Variants in GALNT17 observed in about 807,000 individuals in gnomAD.
The protein encoded by GALNT17 is UDP-GalNAc:polypeptide N-acetylgalactosaminyltransferase-like 3.
Under a neutral mutation model 63.7 loss-of-function variants are expected in GALNT17, and 29 were observed. The ratio of observed to expected loss-of-function variants is 0.46; its 90% CI spans 0.34 to 0.62. The LOEUF is 0.62. Ranked by LOEUF, GALNT17 falls within the 20% of genes least tolerant of loss-of-function variation. The pLI is 0.01. For synonymous variants in GALNT17, 305 were observed against 318.3 expected (o/e 0.96, Z 0.45); for missense variants, 603 against 799.6 (o/e 0.75, Z 2.97).
chr7:71,524,797 A>G (rs1423548153), intron 5 of GALNT17, among the ~76,000 whole-genome samples: 1 of 152,020 alleles, frequency 6.6e-6, no homozygotes, highest in Non-Finnish European at 1.5e-5. Context: ...TTTCTGTGTC[A>G]TTTTGATTTG....
At chr7:71,169,543 A>G (rs1392917425) in intron 1 of GALNT17, among the ~76,000 whole-genome samples, 1 of 152,106 alleles carries the variant, frequency 6.6e-6, no homozygotes, top group East Asian at 1.9e-4. Context: ...ATGGGTTTTT[A>G]TATAGTTTGC....
intron 1 of GALNT17, among the ~76,000 whole-genome samples, chr7:71,185,271 T>C (rs1788827887): frequency 1.3e-5 from 2 of 150,690 alleles, no homozygotes; most frequent in East Asian, 2.0e-4. Context: ...AATGGTCTCA[T>C]CACGGCTCAC....
intron 1 of GALNT17, among the ~76,000 whole-genome samples, chr7:71,187,288 T>C (rs1472269274): frequency 1.4e-5 from 2 of 140,766 alleles, no homozygotes; most frequent in East Asian, 2.4e-4. Context: ...TTTTCTTTCT[T>C]TTTTTTTTTT....
At chr7:71,184,559 T>G (rs1796089) in intron 1 of GALNT17, among the ~76,000 whole-genome samples, 40,069 of 152,126 alleles carry the variant, frequency 0.26, 9,814 homozygotes, top group African/African-American at 0.66. Flanking sequence ...TAGGCTCTGT[T>G]GAGTTAGAAA....
At chr7:71,560,353 A>G (rs1273444151) in intron 5 of GALNT17, among the ~76,000 whole-genome samples, 6 of 152,054 alleles carry the variant, frequency 3.9e-5, no homozygotes, top group Admixed American at 3.9e-4. Context: ...ACCGTGGCTT[A>G]CCGTTATCCC....
At chr7:71,255,679 C>T (rs1790275951) in intron 1 of GALNT17, among the ~76,000 whole-genome samples, 1 of 152,106 alleles carries the variant, frequency 6.6e-6, no homozygotes, top group Admixed American at 6.5e-5. Flanking sequence ...GTGATGTGTT[C>T]ATAGGGAAAG....
intron 5 of GALNT17, among the ~76,000 whole-genome samples, chr7:71,518,961 C>T (rs1032714494): frequency 8.5e-5 from 13 of 152,162 alleles, no homozygotes; most frequent in African/African-American, 1.9e-4. Context: ...AGGAGAAAGA[C>T]GTCATTTCTT....
At chr7:71,639,358 T>C (rs796235952) in intron 6 of GALNT17, among the ~76,000 whole-genome samples, 10 of 152,340 alleles carry the variant, frequency 6.6e-5, no homozygotes, top group African/African-American at 2.4e-4. Context: ...TCTTGTTCGG[T>C]GTTCACACTT....
chr7:71,400,799 G>GT (rs1194635195), intron 3 of GALNT17, among the ~76,000 whole-genome samples: 1 of 152,180 alleles, frequency 6.6e-6, no homozygotes, highest in Non-Finnish European at 1.5e-5. Context: ...TGACTGATTG[G>GT]TTATAAAGAG....
rs575602128 is a variant in GALNT17 at position 71,181,496 on chromosome 7, G to C, written c.238+48456G>C. On this transcript the variant is annotated intron_variant, in intron 1 of 10. Coordinates refer to ENST00000333538, the MANE Select transcript of GALNT17 (RefSeq NM_022479.3). ...TGTAAATGTTAGCTGAAACAAATTA[G>C]CTGGTGATGAGAAGGATGAAGGGGT... Among the ~76,000 whole-genome samples the C allele has an allele frequency of 1.8e-4, 27 of 152,236 alleles. No homozygotes were observed. In the South Asian group the frequency reaches 5.2e-3, roughly 29 times the overall value.
chr7:71,576,820 G>A (rs745788411), intron 6 of GALNT17, among the ~76,000 whole-genome samples: 11 of 151,968 alleles, frequency 7.2e-5, no homozygotes, highest in South Asian at 2.1e-4. Flanking sequence ...TGCCCGCTTC[G>A]GTCTCCCAAA....
intron 1 of GALNT17, among the ~76,000 whole-genome samples, chr7:71,174,637 G>A (rs558768368): frequency 6.6e-6 from 1 of 152,242 alleles, no homozygotes; most frequent in Admixed American, 6.5e-5. Flanking sequence ...GGCAGGGGAT[G>A]GATCTCACAA....
At chr7:71,601,522 C>T (rs1789967038) in intron 6 of GALNT17, among the ~76,000 whole-genome samples, 1 of 152,052 alleles carries the variant, frequency 6.6e-6, no homozygotes, top group South Asian at 2.1e-4. Flanking sequence ...GGCCACCATA[C>T]CTGTAATCCA....
At chr7:71,204,356 G>C (rs1789231374) in intron 1 of GALNT17, among the ~76,000 whole-genome samples, 1 of 151,978 alleles carries the variant, frequency 6.6e-6, no homozygotes, top group Non-Finnish European at 1.5e-5. Flanking sequence ...TGTTTTGTTT[G>C]CACGAGATTG....
At chr7:71,293,986 C>T (rs759799699) in intron 1 of GALNT17, among the ~76,000 whole-genome samples, 4 of 151,982 alleles carry the variant, frequency 2.6e-5, no homozygotes, top group Non-Finnish European at 4.4e-5. Context: ...GGTAAAACCC[C>T]GTCTCTACTA....
At chr7:71,303,469 C>T (rs1384816820) in intron 1 of GALNT17, among the ~76,000 whole-genome samples, 2 of 151,934 alleles carry the variant, frequency 1.3e-5, no homozygotes, top group South Asian at 2.1e-4. Flanking sequence ...ATGAATGATC[C>T]CTAAGTTTGA....
At chr7:71,526,961 C>T (rs1459822788) in intron 5 of GALNT17, among the ~76,000 whole-genome samples, 1 of 152,214 alleles carries the variant, frequency 6.6e-6, no homozygotes, top group East Asian at 1.9e-4. Context: ...TCACAACTAT[C>T]ATTTCCTTTG....
intron 1 of GALNT17, chr7:71,284,467 A>T (rs1339018405): frequency 6.6e-6 from 1 of 152,196 alleles, no homozygotes; most frequent in Non-Finnish European, 1.5e-5. Flanking sequence ...AAGTGCTGGG[A>T]TTACAGGCGT....
At chr7:71,543,971 T>C (rs986439576) in intron 5 of GALNT17, among the ~76,000 whole-genome samples, 14 of 151,622 alleles carry the variant, frequency 9.2e-5, no homozygotes, top group Non-Finnish European at 1.6e-4. Context: ...TTTTGTATTT[T>C]TGGTAGAGAC....
Sources: gnomAD v4.1 joint callset for allele counts (sites outside exome capture counted in the v4.1 genomes callset) on GRCh38, gnomAD v4.1.1 for gene constraint, MANE v1.5 for transcripts, NCBI Gene and HGNC (gene_info 2026-07-23, HGNC 2026-07-21) for gene names.